CST8: variants seen among roughly 807,000 people sequenced by gnomAD.
CST8 encodes cystatin 8.
Under a neutral mutation model 11.8 loss-of-function variants are expected in CST8, and 20 were observed. That is an observed-to-expected ratio of 1.70 (90% CI 1.20 to 2.47). CST8 has a LOEUF of 2.47. Among genes scored for constraint, CST8 ranks in the 30% most tolerant of loss-of-function variants. The pLI is 0.00. For missense variants in CST8, 196 were observed against 167.2 expected (o/e 1.17, Z -0.95); for synonymous variants, 77 against 63.1 (o/e 1.22, Z -1.05).
chr20:23,501,249 G>A, the CST8 span, among the ~76,000 whole-genome samples: 20 of 152,190 alleles, frequency 1.3e-4, no homozygotes, highest in African/African-American at 2.6e-4. Flanking sequence ...AGATAGTATC[G>A]CCCATTGCTG....
chr20:23,493,113 T>C, intron 3 of CST8, 42 bp downstream of exon 3: 1 of 1,232,376 alleles, frequency 8.1e-7, no homozygotes, highest in Non-Finnish European at 1.2e-6. Context: ...TAGGCAGCTC[T>C]GAACCCAAGA....
chr20:23,491,987 C>A, intron 2 of CST8, 89 bp downstream of exon 2: 1 of 1,023,302 alleles, frequency 9.8e-7, no homozygotes, highest in Non-Finnish European at 1.5e-6. Context: ...AGAAAAATAT[C>A]ACTATGCAAA....
At chr20:23,503,359 C>T in the CST8 span, among the ~76,000 whole-genome samples, 10 of 152,132 alleles carry the variant, frequency 6.6e-5, no homozygotes, top group Non-Finnish European at 1.3e-4. Context: ...CAAACTAATC[C>T]TGACATGTTG....
downstream of CST8, among the ~76,000 whole-genome samples, chr20:23,500,356 G>A (rs1225725057): frequency 2.6e-5 from 4 of 152,156 alleles, no homozygotes; most frequent in Non-Finnish European, 5.9e-5. Context: ...ACAGACTTGG[G>A]AAGGAGCCCG....
the CST8 span, among the ~76,000 whole-genome samples, chr20:23,501,734 A>G: frequency 1.3e-5 from 2 of 152,234 alleles, no homozygotes; most frequent in Non-Finnish European, 2.9e-5. Flanking sequence ...ATGGCCACCC[A>G]TTACCAGATA....
intron 3 of CST8, among the ~76,000 whole-genome samples, chr20:23,493,990 A>C (rs1311802429): frequency 6.6e-6 from 1 of 152,100 alleles, no homozygotes; most frequent in South Asian, 2.1e-4. Flanking sequence ...TTTGAGAACC[A>C]CTGCTTTATG....
At chr20:23,499,813 G>A (rs1988140125), downstream of CST8, among the ~76,000 whole-genome samples, 1 of 152,220 alleles carries the variant, frequency 6.6e-6, no homozygotes, top group Non-Finnish European at 1.5e-5. Flanking sequence ...TTGCTGGTTG[G>A]TGGGGAGTGA....
Position 23,492,962 on chromosome 20 carries a change from C to T in CST8, c.236C>T (p.Thr79Ile), listed in dbSNP as rs1407725807. 24 of 1,586,520 alleles carry T rather than the reference C, an allele frequency of 1.5e-5. No individual in the cohort carries two copies. Among genetic ancestry groups the T allele is most frequent in the Non-Finnish European group, 2.0e-5 (23 of 1,155,210 alleles). Residue 79 changes from threonine to isoleucine, a missense_variant, in exon 3 of 4, where the codon ACA becomes ATA. Physicochemically the swap from Thr to Ile is moderately conservative, Grantham distance 89. Transcript: ENST00000246012. ...TGCATAATTGCTAACCAACAGGTCA[C>T]AAATCTTCTGGAATACCTTATTGAT... ...VKTLQAQLQV[T>I]NLLEYLIDVE...
chr20:23,494,378 A>G (rs916934502), intron 3 of CST8, among the ~76,000 whole-genome samples: 5 of 152,320 alleles, frequency 3.3e-5, no homozygotes, highest in Middle Eastern at 3.4e-3. Flanking sequence ...TAAGACATAC[A>G]TGTTCAAGCA....
the CST8 span, among the ~76,000 whole-genome samples, chr20:23,503,290 G>A: frequency 6.6e-6 from 1 of 152,114 alleles, no homozygotes; most frequent in Non-Finnish European, 1.5e-5. Context: ...AGACTAGAGA[G>A]TCTTAGACTT....
chr20:23,504,492 A>G, the CST8 span, among the ~76,000 whole-genome samples: 16 of 152,250 alleles, frequency 1.1e-4, no homozygotes, highest in East Asian at 3.1e-3. Flanking sequence ...AACTCTCTAT[A>G]TTAATTTTGC....
In CST8 at chr20:23,493,005, C is replaced by T. The variant is rs138711661; in HGVS notation, c.279C>T (p.Ser93=). ...EYLIDVEIAR[S]DCRKPLSTNE... The stretch of plus-strand genomic sequence containing the variant: ...TTATTGATGTAGAAATTGCCCGCAG[C>T]GATTGCAGAAAGCCTTTAAGCACTA... The change falls in exon 3 of 4, where the codon AGC becomes AGT. Residue 93 remains serine, a synonymous_variant. Transcript: ENST00000246012. The T allele has an allele frequency of 3.4e-5, 55 of 1,613,064 alleles. No individual in the cohort carries two copies. The highest frequency in any genetic ancestry group is 8.3e-5 in the Admixed American group (5 of 60,006).
downstream of CST8, among the ~76,000 whole-genome samples, chr20:23,498,186 A>C (rs1988100809): frequency 6.6e-6 from 1 of 152,230 alleles, no homozygotes; most frequent in Admixed American, 6.5e-5. Flanking sequence ...GAGTTTCTGC[A>C]AAATGAAAAG....
Position 23,495,931 on chromosome 20 carries a change from C to A in CST8, c.*17C>A, listed in dbSNP as rs200344286. 94 of 1,577,600 alleles carry A rather than the reference C, an allele frequency of 6.0e-5. No homozygotes were observed. In the East Asian group the frequency reaches 2.0e-3, roughly 34 times the overall value. On this transcript the variant is annotated 3_prime_UTR_variant, in exon 4 of 4. Coordinates refer to ENST00000246012, the MANE Select transcript of CST8 (RefSeq NM_005492.4). Reference sequence around the variant, plus strand: ...GATGCTTAATGGTGTTTTGAGGCATCCCTCCAACCTCTGTGACTACTTTAT... The same window carrying A: ...GATGCTTAATGGTGTTTTGAGGCATACCTCCAACCTCTGTGACTACTTTAT...
chr20:23,503,104 G>A, the CST8 span, among the ~76,000 whole-genome samples: 3,960 of 152,058 alleles, frequency 0.026, 80 homozygotes, highest in African/African-American at 0.055. Flanking sequence ...AAAATACCAG[G>A]GTAAATGAAC....
downstream of CST8, chr20:23,496,125 G>A: frequency 1.8e-6 from 1 of 549,872 alleles, no homozygotes; most frequent in Non-Finnish European, 3.2e-6. Flanking sequence ...CCTTTGTTCA[G>A]CTTGATGGTC....
At position 23,492,964 on chromosome 20, in the gene CST8, A is replaced by G. The variant is rs759129565; in HGVS notation, c.238A>G (p.Asn80Asp). ...KTLQAQLQVT[N>D]LLEYLIDVEI... is the part of the protein sequence containing the mutation. ...CATAATTGCTAACCAACAGGTCACA[A>G]ATCTTCTGGAATACCTTATTGATGT... Residue 80 changes from asparagine to aspartate, a missense_variant, in exon 3 of 4, where the codon AAT becomes GAT. Physicochemically the swap from Asn to Asp is conservative, Grantham distance 23. Transcript: ENST00000246012. 3 of 1,591,090 alleles carry G rather than the reference A, an allele frequency of 1.9e-6. No individual in the cohort carries two copies. In the African/African-American group the frequency reaches 4.0e-5, roughly 21 times the overall value.
downstream of CST8, among the ~76,000 whole-genome samples, chr20:23,497,309 C>G (rs1055924182): frequency 6.6e-6 from 1 of 151,462 alleles, no homozygotes; most frequent in Admixed American, 6.6e-5. Flanking sequence ...CTTCCTGCAA[C>G]ACAGAGGAGG....
intron 3 of CST8, among the ~76,000 whole-genome samples, chr20:23,494,159 C>T (rs138547767): frequency 2.0e-5 from 3 of 152,124 alleles, no homozygotes; most frequent in African/African-American, 7.2e-5. Flanking sequence ...TGAGCTTGTC[C>T]GAATGCTATC....
Sources: allele counts gnomAD v4.1 joint callset (sites outside exome capture counted in the v4.1 genomes callset), GRCh38; gene constraint gnomAD v4.1.1; transcripts MANE v1.5; gene names NCBI Gene and HGNC (gene_info 2026-07-23, HGNC 2026-07-21).